The following SH3RF2 variants were observed in gnomAD, a reference collection of about 807,000 sequenced individuals.
The protein encoded by SH3RF2 is E3 ubiquitin-protein ligase SH3RF2.
In SH3RF2, 43 loss-of-function variants were observed where a neutral mutation model predicts 59.0. That is an observed-to-expected ratio of 0.73 (90% CI 0.57 to 0.94). The LOEUF (loss-of-function observed/expected upper bound fraction) is 0.94, where lower values mean the gene tolerates loss of function less well. Among genes scored for constraint, SH3RF2 ranks in the 40% least tolerant of loss-of-function variants. SH3RF2 has a pLI of 0.00. For synonymous variants in SH3RF2, 391 were observed against 391.5 expected, an observed-to-expected ratio of 1.00 and a Z score of 0.01; for missense variants, 930 against 940.1, an observed-to-expected ratio of 0.99 and a Z score of 0.14.
chr5:145,950,732 GC>G (rs1215088567), intron 2 of SH3RF2, among the ~76,000 whole-genome samples: 1 of 152,214 alleles, frequency 6.6e-6, no homozygotes, highest in Non-Finnish European at 1.5e-5. Flanking sequence ...AATATGACAA[GC>G]TCTGGTCCAG....
chr5:146,028,966 C>T lies in SH3RF2; in HGVS notation c.1059+14905C>T, dbSNP rs140928728. Among the ~76,000 whole-genome samples, 6 of 152,310 alleles carry T rather than the reference C, an allele frequency of 3.9e-5. No homozygotes were observed. The East Asian group carries it at 1.2e-3, about 29-fold the overall frequency. ...TGCGTTGAGTGGATTGTTGGAAAAA[C>T]ATATTGTGCAGAGAAACATACATAT... is the stretch of plus-strand genomic sequence containing the variant. On this transcript the variant is annotated intron_variant, in intron 5 of 9. Transcript: ENST00000359120.
At chr5:145,990,513 G>A (rs1759892756) in intron 2 of SH3RF2, among the ~76,000 whole-genome samples, 1 of 152,176 alleles carries the variant, frequency 6.6e-6, no homozygotes, top group South Asian at 2.1e-4. Context: ...TGAATAACCT[G>A]CCTATCAGAA....
At chr5:146,021,313 T>C (rs7444347) in intron 5 of SH3RF2, among the ~76,000 whole-genome samples, 50,841 of 152,006 alleles carry the variant, frequency 0.33, 8,979 homozygotes, top group Non-Finnish European at 0.39. Flanking sequence ...ATAAATTAAC[T>C]CTATGTTTAT....
intron 8 of SH3RF2, among the ~76,000 whole-genome samples, chr5:146,057,308 C>T (rs1428448119): frequency 6.6e-6 from 1 of 152,166 alleles, no homozygotes; most frequent in African/African-American, 2.4e-5. Flanking sequence ...CACTTCATTC[C>T]ACCCAACTAT....
At chr5:145,962,410 A>G (rs1405283709) in intron 2 of SH3RF2, among the ~76,000 whole-genome samples, 1 of 152,236 alleles carries the variant, frequency 6.6e-6, no homozygotes, top group African/African-American at 2.4e-5. Context: ...CCAAAATTCA[A>G]AGTACTTCCC....
intron 2 of SH3RF2, among the ~76,000 whole-genome samples, chr5:145,972,562 G>A (rs1759128851): frequency 1.3e-5 from 2 of 152,144 alleles, no homozygotes; most frequent in Non-Finnish European, 2.9e-5. Context: ...ATCAGTGACG[G>A]CCCAGAGCCA....
At chr5:146,059,811 C>T in intron 8 of SH3RF2, 55 bp from the exon 9 acceptor site, 3 of 1,332,272 alleles carry the variant, frequency 2.3e-6, no homozygotes, top group Non-Finnish European at 3.0e-6. Flanking sequence ...CCAGCCCCAC[C>T]CAACCTACTG....
chr5:146,004,237 T>TAGGAA, intron 4 of SH3RF2, 84 bp downstream of exon 4: 4 of 1,099,062 alleles, frequency 3.6e-6, no homozygotes, highest in Non-Finnish European at 5.3e-6. Context: ...GCAATTCCTA[T>TAGGAA]TTGCTATGAG....
chr5:146,056,301 A>G (rs1762670888), intron 8 of SH3RF2, 88 bp downstream of exon 8: 2 of 1,581,900 alleles, frequency 1.3e-6, no homozygotes, highest in African/African-American at 2.7e-5. Context: ...TTGCAAAAAC[A>G]GGATCTTGGC....
At chr5:145,979,896 C>T (rs1759444276) in intron 2 of SH3RF2, among the ~76,000 whole-genome samples, 1 of 152,148 alleles carries the variant, frequency 6.6e-6, no homozygotes, top group Non-Finnish European at 1.5e-5. Flanking sequence ...CCATTTTATA[C>T]ATGAGGAAGT....
intron 7 of SH3RF2, chr5:146,055,736 A>G (rs748116378): frequency 8.4e-5 from 46 of 550,690 alleles, no homozygotes; most frequent in Non-Finnish European, 1.3e-4. Flanking sequence ...TAGCTCCACC[A>G]AGGCCTTGAT....
Position 146,004,124 on chromosome 5 carries a change from G to C in SH3RF2, c.715G>C (p.Val239Leu), listed in dbSNP as rs959511833. 3.1e-6 allele frequency: 5 copies of C among 1,612,878 alleles called. No homozygotes were observed. The highest frequency in any genetic ancestry group is 4.2e-6 in the Non-Finnish European group (5 of 1,179,078). The part of the protein sequence containing the change: ...NWAEGKLGDK[V>L]GIFPILFVEP... ...GGCAGAAGGCAAGTTAGGAGATAAA[G>C]TAGGCATCTTCCCTATCTTGTTTGT... is the stretch of plus-strand genomic sequence containing the variant. The change falls in exon 4 of 10, where the codon GTA becomes CTA. Residue 239 changes from valine (V) to leucine (L), a missense_variant. Val to Leu is a conservative substitution (Grantham distance 32). Transcript: ENST00000359120.
chr5:145,978,699 GAAAA>G (rs933825802), intron 2 of SH3RF2, among the ~76,000 whole-genome samples: 2 of 146,334 alleles, frequency 1.4e-5, no homozygotes, highest in Non-Finnish European at 3.0e-5. Context: ...AAAAAAAAAA[GAAAA>G]AAAACACCTC....
At chr5:146,052,351 A>G (rs932714868) in intron 7 of SH3RF2, among the ~76,000 whole-genome samples, 2 of 152,042 alleles carry the variant, frequency 1.3e-5, no homozygotes, top group African/African-American at 4.8e-5. Flanking sequence ...AGGTCGGTCT[A>G]TTGTGTTCTT....
intron 2 of SH3RF2, among the ~76,000 whole-genome samples, chr5:145,983,120 A>C (rs561257609): frequency 3.9e-4 from 60 of 152,204 alleles, no homozygotes; most frequent in Non-Finnish European, 7.5e-4. Context: ...TTTTGGAGCC[A>C]GCTTCTACCA....
At chr5:145,965,059 A>G (rs1758806986) in intron 2 of SH3RF2, among the ~76,000 whole-genome samples, 1 of 152,018 alleles carries the variant, frequency 6.6e-6, no homozygotes, top group African/African-American at 2.4e-5. Flanking sequence ...CAGGCATGGC[A>G]GCATGCACCT....
chr5:145,997,813 C>T (rs753742373), intron 2 of SH3RF2: 14 of 1,499,380 alleles, frequency 9.3e-6, no homozygotes, highest in Non-Finnish European at 1.3e-5. Context: ...AAGCTAGGAT[C>T]CCCCGCCGAA....
chr5:145,972,214 A>G (rs1305041390), intron 2 of SH3RF2, among the ~76,000 whole-genome samples: 3 of 152,228 alleles, frequency 2.0e-5, no homozygotes, highest in Admixed American at 6.5e-5. Context: ...CTGGAAAATA[A>G]AATAAATCTT....
chr5:146,073,433 G>A (rs1168778137), intron 9 of SH3RF2, among the ~76,000 whole-genome samples: 1 of 152,212 alleles, frequency 6.6e-6, no homozygotes, highest in Non-Finnish European at 1.5e-5. Context: ...CATGCTTCCA[G>A]CTGGCTGGTG....
Sources: gnomAD v4.1 joint callset for allele counts (sites outside exome capture counted in the v4.1 genomes callset) on GRCh38, gnomAD v4.1.1 for gene constraint, MANE v1.5 for transcripts, NCBI Gene and HGNC (gene_info 2026-07-23, HGNC 2026-07-21) for gene names.